Variants in NCR1 observed in about 807,000 individuals in gnomAD.
NCR1 encodes the protein NK cell-activating receptor.
A neutral mutation model predicts 32.5 loss-of-function variants in NCR1; 30 were observed. The ratio of observed to expected loss-of-function variants is 0.92; its 90% CI spans 0.69 to 1.25. NCR1 has a LOEUF of 1.25. Among genes scored for constraint, NCR1 ranks in the 50% most tolerant of loss-of-function variants. The probability of loss-of-function intolerance (pLI) is 0.00; values close to 1 mark genes in which losing one functional copy is unlikely to be tolerated. For synonymous variants in NCR1, 169 were observed against 143.4 expected (o/e 1.18, Z -1.28); for missense variants, 369 against 380.7 (o/e 0.97, Z 0.26).
At chr19:54,908,536 G>A (rs2067759358) in intron 3 of NCR1, among the ~76,000 whole-genome samples, 2 of 152,118 alleles carry the variant, frequency 1.3e-5, no homozygotes, top group South Asian at 4.1e-4. Context: ...CCGGGCAGAG[G>A]GGCTCCTCAC....
At chr19:54,937,215 C>CAAA in the NCR1 span, among the ~76,000 whole-genome samples, 1 of 77,602 alleles carries the variant, frequency 1.3e-5, no homozygotes, top group Admixed American at 1.5e-4. Flanking sequence ...GAGACTGTCT[C>CAAA]AAAAAAAAAA....
the NCR1 span, among the ~76,000 whole-genome samples, chr19:54,926,762 A>G: frequency 2.6e-5 from 4 of 151,612 alleles, no homozygotes; most frequent in African/African-American, 9.7e-5. Context: ...CTAAAAATAC[A>G]AAAATTAGCT....
chr19:54,924,723 G>T, the NCR1 span, among the ~76,000 whole-genome samples: 33 of 152,170 alleles, frequency 2.2e-4, no homozygotes, highest in Non-Finnish European at 5.9e-5. Context: ...ATCACCTGAG[G>T]TCAGGAATTC....
chr19:54,918,262 A>C (rs1376297726), downstream of NCR1, among the ~76,000 whole-genome samples: 2 of 150,082 alleles, frequency 1.3e-5, no homozygotes, highest in Admixed American at 1.3e-4. Context: ...ATAGAGTCTG[A>C]GCCCTTTATT....
At chr19:54,903,491 C>T (rs748684490), upstream of NCR1, among the ~76,000 whole-genome samples, 890 of 128,228 alleles carry the variant, frequency 6.9e-3, 10 homozygotes, top group East Asian at 0.022. Flanking sequence ...TATGTATATA[C>T]ATATATGTAT....
the NCR1 span, chr19:54,923,903 A>T: frequency 1.2e-6 from 2 of 1,606,394 alleles, no homozygotes; most frequent in East Asian, 4.5e-5. Flanking sequence ...AAATGTTCCC[A>T]GAAATTCATT....
At chr19:54,926,201 T>TA in the NCR1 span, among the ~76,000 whole-genome samples, 1 of 126,460 alleles carries the variant, frequency 7.9e-6, no homozygotes, top group Non-Finnish European at 1.6e-5. Context: ...ATATAATGAT[T>TA]AGGGGTGTGT....
At chr19:54,922,694 A>G in the NCR1 span, among the ~76,000 whole-genome samples, 1 of 149,444 alleles carries the variant, frequency 6.7e-6, no homozygotes, top group Non-Finnish European at 1.5e-5. Flanking sequence ...CAGGAGAATC[A>G]CTTGAACCTG....
At chr19:54,907,863 T>G (rs1473971761) in intron 3 of NCR1, among the ~76,000 whole-genome samples, 1 of 152,248 alleles carries the variant, frequency 6.6e-6, no homozygotes, top group African/African-American at 2.4e-5. Context: ...ATTTCTATAT[T>G]CTGTGTCATA....
intron 2 of NCR1, 24 bp from the exon 3 acceptor site, chr19:54,906,499 C>T (rs2067620590): frequency 1.2e-6 from 2 of 1,601,310 alleles, no homozygotes; most frequent in South Asian, 1.1e-5. Context: ...TCCGCTGGAA[C>T]TCCAGCCTCT....
chr19:54,920,853 G>A (rs1222983654), downstream of NCR1, among the ~76,000 whole-genome samples: 1 of 151,726 alleles, frequency 6.6e-6, no homozygotes, highest in Non-Finnish European at 1.5e-5. Context: ...CGCCTGTCAT[G>A]CCAGCACTTT....
the NCR1 span, chr19:54,923,903 A>G: frequency 6.2e-7 from 1 of 1,606,276 alleles, no homozygotes; most frequent in African/African-American, 1.3e-5. Flanking sequence ...AAATGTTCCC[A>G]GAAATTCATT....
rs144194474 is a variant in NCR1, at chr19:54,909,390, A to C, written c.501A>C (p.Gly167=). 1.3e-5 allele frequency: 21 copies of C among 1,614,006 alleles called. No homozygotes were observed. Among genetic ancestry groups the C allele is most frequent in the Non-Finnish European group, 1.8e-5 (21 of 1,180,004 alleles). ...KEGRSSHVQR[G]YGKVQAEFPL... is the part of the protein sequence containing the mutation. ...GAAGATCCAGCCACGTACAGCGCGGATACGGGAAGGTCCAGGCGGAGTTCC... is the reference window on the plus strand; with the variant it reads ...GAAGATCCAGCCACGTACAGCGCGGCTACGGGAAGGTCCAGGCGGAGTTCC... Residue 167 remains glycine, a synonymous_variant, in exon 4 of 7, where the codon GGA becomes GGC. Coordinates refer to ENST00000291890, the MANE Select transcript of NCR1 (RefSeq NM_004829.7).
the NCR1 span, among the ~76,000 whole-genome samples, chr19:54,901,123 G>A: frequency 1.0e-3 from 106 of 101,542 alleles, no homozygotes; most frequent in African/African-American, 1.1e-3. Context: ...TCTCTACTTT[G>A]AAAAAAAAAA....
chr19:54,906,410 G>GA, intron 2 of NCR1, 76 bp downstream of exon 2: 1 of 1,604,966 alleles, frequency 6.2e-7, no homozygotes, highest in Non-Finnish European at 8.5e-7. Context: ...CACGGCTGGG[G>GA]TGAGGGGACA....
upstream of NCR1, among the ~76,000 whole-genome samples, chr19:54,904,531 C>CTTTTCTTTTTTTTTTTTTTTTTTTTTT: frequency 8.2e-4 from 98 of 118,926 alleles, 2 homozygotes; most frequent in East Asian, 2.0e-3. Context: ...GTTTTCTTTT[C>CTTTTCTTTTTTTTTTTTTTTTTTTTTT]TTTTTTTTTT....
chr19:54,903,581 CAT>C (rs2067372788), upstream of NCR1, among the ~76,000 whole-genome samples: 1 of 146,478 alleles, frequency 6.8e-6, no homozygotes, highest in African/African-American at 2.5e-5. Flanking sequence ...TATATATACG[CAT>C]ATACATGTAT....
the NCR1 span, among the ~76,000 whole-genome samples, chr19:54,927,409 T>A: frequency 1.1e-3 from 165 of 145,070 alleles, no homozygotes; most frequent in African/African-American, 4.2e-3. Flanking sequence ...AAGAAAAAAA[T>A]TAGCTGGACA....
At chr19:54,934,652 C>T in the NCR1 span, 8 of 1,612,962 alleles carry the variant, frequency 5.0e-6, no homozygotes, top group Non-Finnish European at 6.8e-6. This position sits in a 1 kb window ranked among gnomAD's most constrained non-coding sequence, Gnocchi z 6.7. Context: ...GCACAGTGAC[C>T]TCCCAACCTG....
Sources: allele counts gnomAD v4.1 joint callset (sites outside exome capture counted in the v4.1 genomes callset), GRCh38; gene constraint gnomAD v4.1.1; non-coding constraint Gnocchi (gnomAD v3.1); transcripts MANE v1.5; gene names NCBI Gene and HGNC (gene_info 2026-07-23, HGNC 2026-07-21).